The following SLC5A3 variants were observed in gnomAD, a reference collection of about 807,000 sequenced individuals.
SLC5A3 encodes sodium/myo-inositol cotransporter.
SLC5A3 carries 10 observed loss-of-function variants against 43.2 expected under a neutral mutation model. That is an observed-to-expected ratio of 0.23 (90% CI 0.14 to 0.39). SLC5A3 has a LOEUF of 0.39. SLC5A3 is among the 10% of genes least tolerant of loss of function. The probability of loss-of-function intolerance (pLI) is 1.00; values close to 1 mark genes in which losing one functional copy is unlikely to be tolerated. For synonymous variants in SLC5A3, 349 were observed against 322.0 expected, an observed-to-expected ratio of 1.08 and a Z score of -0.90; for missense variants, 608 against 893.4, an observed-to-expected ratio of 0.68 and a Z score of 4.07.
rs1159092685 is a variant in SLC5A3, at chr21:34,085,065, A to G, written c.-336-9798A>G. Among the ~76,000 whole-genome samples, 6 of 152,372 alleles carry G rather than the reference A, an allele frequency of 3.9e-5. No homozygotes were observed. In the East Asian group the frequency reaches 1.2e-3, roughly 29 times the overall value. ...GATACTACCACCAAATATTCAATTCATATAGAAATTTACGCTGTTCTTCCA... is the reference window on the plus strand; with the variant it reads ...GATACTACCACCAAATATTCAATTCGTATAGAAATTTACGCTGTTCTTCCA... On this transcript the variant is annotated intron_variant, in intron 1 of 1. Transcript: ENST00000381151.
At chr21:34,076,327 TTTTAAAA>T (rs1314359206) in intron 1 of SLC5A3, among the ~76,000 whole-genome samples, 2 of 152,126 alleles carry the variant, frequency 1.3e-5, no homozygotes, top group African/African-American at 4.8e-5. Flanking sequence ...GCTTGCAAAG[TTTTAAAA>T]TTTAAAATAC....
chr21:34,077,115 A>G (rs963841971), intron 1 of SLC5A3, among the ~76,000 whole-genome samples: 14 of 152,220 alleles, frequency 9.2e-5, no homozygotes, highest in African/African-American at 3.1e-4. Flanking sequence ...GTGTTTGGTG[A>G]GTGAGCTCTC....
chr21:34,088,989 T>C (rs2148656713), intron 1 of SLC5A3, among the ~76,000 whole-genome samples: 1 of 152,296 alleles, frequency 6.6e-6, no homozygotes, highest in African/African-American at 2.4e-5. Context: ...AATGTTTGGT[T>C]AAGATTACAT....
chr21:34,073,683 C>G lies in SLC5A3; in HGVS notation c.-399C>G, dbSNP rs751080694. The G allele has an allele frequency of 6.6e-7, 1 of 1,517,124 alleles. No homozygotes were observed. Among genetic ancestry groups the G allele is most frequent in the Non-Finnish European group, 8.9e-7 (1 of 1,124,926 alleles). 94.0% of individuals were successfully genotyped at this position (1,517,124 alleles called of 1,614,324 possible). ...GGAACCGGCTGGCTTCCGAGCCGCA[C>G]TCGCCGATCCTCCAGGCATGCCCCG... On this transcript the variant is annotated 5_prime_UTR_variant, in exon 1 of 2. Transcript: ENST00000381151.
intron 1 of SLC5A3, 41 bp downstream of exon 1, chr21:34,073,786 G>GC: frequency 7.1e-7 from 1 of 1,415,186 alleles, no homozygotes. Context: ...CCGCGCGGGC[G>GC]CCCCCGCTGC....
intron 1 of SLC5A3, among the ~76,000 whole-genome samples, chr21:34,080,388 G>T (rs1190262034): frequency 6.6e-6 from 1 of 151,768 alleles, no homozygotes; most frequent in Non-Finnish European, 1.5e-5. Flanking sequence ...CATTTTATAT[G>T]CCCAGTAAAC....
intron 1 of SLC5A3, among the ~76,000 whole-genome samples, chr21:34,082,532 A>G (rs1487533474): frequency 9.9e-5 from 15 of 151,322 alleles, no homozygotes; most frequent in Non-Finnish European, 4.4e-5. Flanking sequence ...CCTAGAAAAT[A>G]TTTTTTTTTG....
In SLC5A3 at chr21:34,101,160, G is replaced by A; in HGVS notation, c.*3805G>A. On this transcript the variant is annotated 3_prime_UTR_variant, in exon 2 of 2. Coordinates refer to ENST00000381151, the MANE Select transcript of SLC5A3 (RefSeq NM_006933.7). The stretch of plus-strand genomic sequence containing the variant: ...AAATGATTAAGTGAGATAAGTACCT[G>A]GGTGACACAGATATTAGCCCGTTGG... 1 of 1,000,072 alleles carries A rather than the reference G, an allele frequency of 1.0e-6. No individual in the cohort carries two copies. Among genetic ancestry groups the A allele is most frequent in the South Asian group, 4.7e-5 (1 of 21,292 alleles). The allele number at this position is 1,000,072 out of a possible 1,614,324, so 61.9% of individuals were successfully genotyped here. A position where few individuals can be genotyped will look rare whatever the true frequency, so the allele number is the denominator to read the frequency against.
Position 34,098,195 on chromosome 21 carries a change from T to C in SLC5A3, c.*840T>C. The stretch of plus-strand genomic sequence containing the variant: ...TGGAAATGACCAGCCCCCTAAGCAG[T>C]GTTTGATTAACTTATGCTAATCAGA... On this transcript the variant is annotated 3_prime_UTR_variant, in exon 2 of 2. Coordinates refer to ENST00000381151, the MANE Select transcript of SLC5A3 (RefSeq NM_006933.7). 3 of 999,556 alleles carry C rather than the reference T, an allele frequency of 3.0e-6. No individual in the cohort carries two copies. The highest frequency in any genetic ancestry group is 3.6e-6 in the Non-Finnish European group (3 of 829,422). The allele number at this position is 999,556 out of a possible 1,614,324, so 61.9% of individuals were successfully genotyped here. A position where few individuals can be genotyped will look rare whatever the true frequency, so the allele number is the denominator to read the frequency against.
rs558434034 is a variant in SLC5A3, at chr21:34,097,860, A to G, written c.*505A>G. On this transcript the variant is annotated 3_prime_UTR_variant, in exon 2 of 2. Transcript: ENST00000381151. ...GCTTGTGTGATACTTGTTTCAGGACAAGTTCATTTGCCAGGTTCATTTTGT... is the reference window on the plus strand; with the variant it reads ...GCTTGTGTGATACTTGTTTCAGGACGAGTTCATTTGCCAGGTTCATTTTGT... 1 of 997,022 alleles carries G rather than the reference A, an allele frequency of 1.0e-6. No homozygotes were observed. The highest frequency in any genetic ancestry group is 1.1e-4 in the East Asian group (1 of 8,806). 61.8% of individuals were successfully genotyped at this position (997,022 alleles called of 1,614,324 possible).
In SLC5A3 at chr21:34,105,085, C is replaced by T; in HGVS notation, c.*7730C>T. 3 of 1,000,016 alleles carry T rather than the reference C, an allele frequency of 3.0e-6. No homozygotes were observed. The highest frequency in any genetic ancestry group is 9.4e-5 in the South Asian group (2 of 21,274). The allele number at this position is 1,000,016 out of a possible 1,614,324, so 61.9% of individuals were successfully genotyped here. ...CTGTGGGGTTATTAAAATGCAAAAG[C>T]TTTATTTTTTTTAATAATGCCATAC... is the stretch of plus-strand genomic sequence containing the variant. On this transcript the variant is annotated 3_prime_UTR_variant, in exon 2 of 2. Transcript: ENST00000381151.
chr21:34,085,292 C>T (rs1206322013), intron 1 of SLC5A3, among the ~76,000 whole-genome samples: 1 of 152,096 alleles, frequency 6.6e-6, no homozygotes, highest in African/African-American at 2.4e-5. Context: ...GTTAGATTAG[C>T]CATTGTTGAC....
Position 34,096,284 on chromosome 21 carries a change from C to T in SLC5A3, c.1086C>T (p.Gly362=), listed in dbSNP as rs761576374. The part of the protein sequence containing the change: ...PRLVMKLVPV[G]LRGLMMAVMI... ...TGGTGATGAAGCTGGTTCCTGTGGG[C>T]CTTCGGGGTTTAATGATGGCAGTGA... The change falls in exon 2 of 2, where the codon GGC becomes GGT. Residue 362 remains glycine, a synonymous_variant. Transcript: ENST00000381151. The surrounding 1 kb of genome is among the most constrained non-coding windows in gnomAD (Gnocchi z 5.9). 8 of 1,614,112 alleles carry T rather than the reference C, an allele frequency of 5.0e-6. No individual in the cohort carries two copies. Among genetic ancestry groups the T allele is most frequent in the Non-Finnish European group, 6.8e-6 (8 of 1,180,006 alleles).
chr21:34,090,361 A>G (rs1978622710), intron 1 of SLC5A3, among the ~76,000 whole-genome samples: 1 of 152,236 alleles, frequency 6.6e-6, no homozygotes. Context: ...TTGCTTTCCT[A>G]GAACTTGAGT....
In SLC5A3 at chr21:34,099,194, T is replaced by G. The variant is rs774327064; in HGVS notation, c.*1839T>G. ...AAGAGCTTAGAGTGCCTTGTAGAAT[T>G]TTTTTCTCAATTTTATTCTTGAGGT... On this transcript the variant is annotated 3_prime_UTR_variant, in exon 2 of 2. Coordinates refer to ENST00000381151, the MANE Select transcript of SLC5A3 (RefSeq NM_006933.7). The G allele has an allele frequency of 2.0e-6, 2 of 999,980 alleles. No homozygotes were observed. The highest frequency in any genetic ancestry group is 2.4e-6 in the Non-Finnish European group (2 of 829,866). 61.9% of individuals were successfully genotyped at this position (999,980 alleles called of 1,614,324 possible).
In SLC5A3 at chr21:34,099,658, G is replaced by T. The variant is rs1979144337; in HGVS notation, c.*2303G>T. 1.0e-6 allele frequency: 1 copy of T among 997,532 alleles called. No individual in the cohort carries two copies. The highest frequency in any genetic ancestry group is 1.7e-5 in the African/African-American group (1 of 57,238). The allele number at this position is 997,532 out of a possible 1,614,324, so 61.8% of individuals were successfully genotyped here. On this transcript the variant is annotated 3_prime_UTR_variant, in exon 2 of 2. Coordinates refer to ENST00000381151, the MANE Select transcript of SLC5A3 (RefSeq NM_006933.7). ...AGTCCTAGTAGTTTGGAGAATTAGG[G>T]TCCCTCTACCTTCTTTCTGCTCTTG...
At chr21:34,091,679 A>C (rs1019235290) in intron 1 of SLC5A3, among the ~76,000 whole-genome samples, 4 of 152,320 alleles carry the variant, frequency 2.6e-5, no homozygotes, top group East Asian at 1.9e-4. Flanking sequence ...ACTGCATTCT[A>C]ATTCTGTGCA....
chr21:34,080,020 C>G (rs771698691), intron 1 of SLC5A3, among the ~76,000 whole-genome samples: 3 of 152,186 alleles, frequency 2.0e-5, no homozygotes, highest in Non-Finnish European at 4.4e-5. Flanking sequence ...ATAGTCTTCT[C>G]TGCCCTAGTT....
At position 34,096,194 on chromosome 21, in the gene SLC5A3, C is replaced by T; in HGVS notation, c.996C>T (p.Asn332=). 2 of 1,614,180 alleles carry T rather than the reference C, an allele frequency of 1.2e-6. No individual in the cohort carries two copies. Among genetic ancestry groups the T allele is most frequent in the Non-Finnish European group, 8.5e-7 (1 of 1,180,008 alleles). ...ILFTDDIACI[N]PEHCMLVCGS... ...TTACTGATGATATAGCTTGCATCAA[C>T]CCAGAGCACTGCATGCTGGTGTGTG... Residue 332 remains asparagine (N), a synonymous_variant, in exon 2 of 2, where the codon AAC becomes AAT. Coordinates refer to ENST00000381151, the MANE Select transcript of SLC5A3 (RefSeq NM_006933.7). This position sits in a 1 kb window ranked among gnomAD's most constrained non-coding sequence, Gnocchi z 5.9.
Sources: allele counts gnomAD v4.1 joint callset (sites outside exome capture counted in the v4.1 genomes callset), GRCh38; gene constraint gnomAD v4.1.1; non-coding constraint Gnocchi (gnomAD v3.1); transcripts MANE v1.5; gene names NCBI Gene and HGNC (gene_info 2026-07-23, HGNC 2026-07-21).